Variants in LPAR3 observed in about 807,000 individuals in gnomAD.
LPAR3 encodes lysophosphatidic acid receptor 3.
LPAR3 carries 7 observed loss-of-function variants against 17.8 expected under a neutral mutation model. That is an observed-to-expected ratio of 0.39 (90% confidence interval 0.22 to 0.74). The LOEUF is 0.74. Ranked by LOEUF, LPAR3 falls within the 30% of genes least tolerant of loss-of-function variation. LPAR3 has a pLI of 0.40. For missense variants in LPAR3, 391 were observed against 453.4 expected, an observed-to-expected ratio of 0.86 and a Z score of 1.25; for synonymous variants, 179 against 179.9, an observed-to-expected ratio of 0.99 and a Z score of 0.04.
intron 1 of LPAR3, among the ~76,000 whole-genome samples, chr1:84,888,057 G>C (rs780408673): frequency 6.6e-5 from 10 of 151,656 alleles, no homozygotes; most frequent in Non-Finnish European, 1.2e-4. Context: ...TTTTATGCTG[G>C]AGTGTTTTCA....
chr1:84,878,588 A>G (rs1660299387), intron 1 of LPAR3, among the ~76,000 whole-genome samples: 1 of 152,166 alleles, frequency 6.6e-6, no homozygotes, highest in African/African-American at 2.4e-5. Context: ...AAGAAGAAGA[A>G]AGGCACCATG....
intron 2 of LPAR3, among the ~76,000 whole-genome samples, chr1:84,831,067 A>T (rs561579408): frequency 6.6e-6 from 1 of 152,308 alleles, no homozygotes; most frequent in African/African-American, 2.4e-5. Flanking sequence ...GACTTAGAAC[A>T]ATTTAATTTG....
rs200323920 is a variant in LPAR3, at chr1:84,813,943, C to T, written c.965G>A (p.Arg322His). 14 of 1,614,110 alleles carry T rather than the reference C, an allele frequency of 8.7e-6. No homozygotes were observed. The highest frequency in any genetic ancestry group is 4.5e-5 in the East Asian group (2 of 44,880). Reference sequence around the variant, plus strand: ...CCTGCTGAGGACTGTGGAGGGGATGCGAGAGGGACGCCTCTCTGGGTTCTC... The same window carrying T: ...CCTGCTGAGGACTGTGGAGGGGATGTGAGAGGGACGCCTCTCTGGGTTCTC... ...SQENPERRPS[R>H]IPSTVLSRSD... The change falls in exon 3 of 3, where the codon CGC becomes CAC. Residue 322 changes from arginine (R) to histidine (H), a missense_variant. Arg to His is a conservative substitution (Grantham distance 29). Coordinates refer to ENST00000370611, the MANE Select transcript of LPAR3 (RefSeq NM_012152.3).
At position 84,812,328 on chromosome 1, in the gene LPAR3, C is replaced by A. The variant is rs1212101399; in HGVS notation, c.*1518G>T. The A allele has an allele frequency of 6.6e-6, 1 of 151,994 alleles. No individual in the cohort carries two copies. The highest frequency in any genetic ancestry group is 2.4e-5 in the African/African-American group (1 of 41,378). 9.4% of individuals were successfully genotyped at this position (151,994 alleles called of 1,614,324 possible). On this transcript the variant is annotated 3_prime_UTR_variant, in exon 3 of 3. Coordinates refer to ENST00000370611, the MANE Select transcript of LPAR3 (RefSeq NM_012152.3). ...GTCCTAGACTGGAAAGTCTAGGTGGCCCGTGAATTGATTTCACCTTCGCTG... is the reference window on the plus strand; with the variant it reads ...GTCCTAGACTGGAAAGTCTAGGTGGACCGTGAATTGATTTCACCTTCGCTG...
chr1:84,815,880 A>T (rs1020085508), intron 2 of LPAR3, among the ~76,000 whole-genome samples: 2 of 152,214 alleles, frequency 1.3e-5, no homozygotes, highest in Non-Finnish European at 2.9e-5. Context: ...ATTACGGTTC[A>T]GCAGTGGTTC....
At chr1:84,866,438 G>A (rs564520665) in intron 1 of LPAR3, among the ~76,000 whole-genome samples, 31 of 152,268 alleles carry the variant, frequency 2.0e-4, no homozygotes, top group African/African-American at 7.0e-4. Flanking sequence ...GCCTCATGGT[G>A]GGTAATTATT....
intron 2 of LPAR3, among the ~76,000 whole-genome samples, chr1:84,835,356 G>A (rs1659373551): frequency 6.6e-6 from 1 of 152,174 alleles, no homozygotes; most frequent in Non-Finnish European, 1.5e-5. Context: ...AGCATTTCTG[G>A]TTCATAGAAA....
At chr1:84,862,578 T>G (rs887750122) in intron 2 of LPAR3, among the ~76,000 whole-genome samples, 3 of 152,232 alleles carry the variant, frequency 2.0e-5, no homozygotes, top group African/African-American at 7.2e-5. Flanking sequence ...TGGCACATAT[T>G]AAGCACTATA....
intron 2 of LPAR3, among the ~76,000 whole-genome samples, chr1:84,824,680 C>A (rs980130202): frequency 3.9e-5 from 6 of 152,306 alleles, no homozygotes. Context: ...ACACAGAAAG[C>A]ACTCAGAGAA....
intron 2 of LPAR3, among the ~76,000 whole-genome samples, chr1:84,850,393 C>CAAAAAAAAAAAAA (rs561506398): frequency 2.8e-4 from 11 of 38,632 alleles, no homozygotes; most frequent in African/African-American, 4.5e-4. Context: ...TCTGTCTCTA[C>CAAAAAAAAAAAAA]AAAAAAAAAA....
rs143328121 is a variant in LPAR3 at position 84,815,139 on chromosome 1, C to G, written c.737-968G>C. 6.6e-5 allele frequency among the ~76,000 whole-genome samples: 10 copies of G among 152,218 alleles called. No homozygotes were observed. The East Asian group carries it at 1.5e-3, about 24-fold the overall frequency. On this transcript the variant is annotated intron_variant, in intron 2 of 2. Transcript: ENST00000370611. ...GGCATTATTATTATCCCCAGGAAAC[C>G]GAGGCACAAGAGAAGTTAAGTAACT...
Position 84,813,646 on chromosome 1 carries a change from TGTGC to T in LPAR3, c.*196_*199del. 1.8e-6 allele frequency: 1 copy of T among 555,004 alleles called. No homozygotes were observed. The highest frequency in any genetic ancestry group is 2.4e-5 in the South Asian group (1 of 41,014). 34.4% of individuals were successfully genotyped at this position (555,004 alleles called of 1,614,324 possible). On this transcript the variant is annotated 3_prime_UTR_variant, in exon 3 of 3. Transcript: ENST00000370611. ...GGACCCGCCGAACCTCTCCCGTTTC[TGTGC>T]TTTCTCTAAATGCAGCAGGTCCTCT... is the stretch of plus-strand genomic sequence containing the variant.
chr1:84,849,125 C>A (rs10747314), intron 2 of LPAR3, among the ~76,000 whole-genome samples: 74,905 of 151,794 alleles, frequency 0.49, 18,521 homozygotes, highest in Non-Finnish European at 0.51. Flanking sequence ...GCCTATAATC[C>A]TAGCACTTTG....
intron 1 of LPAR3, among the ~76,000 whole-genome samples, chr1:84,873,395 C>T (rs999915): frequency 0.41 from 62,757 of 151,990 alleles, 13,205 homozygotes; most frequent in South Asian, 0.52. Context: ...TTAAAAATAA[C>T]TTTTAAAGAG....
chr1:84,848,195 G>A (rs1413392150), intron 2 of LPAR3, among the ~76,000 whole-genome samples: 1 of 152,210 alleles, frequency 6.6e-6, no homozygotes, highest in Non-Finnish European at 1.5e-5. Context: ...AGTGGCTGTT[G>A]GAAGGGACAA....
At chr1:84,892,526 C>A (rs1227971725) in intron 1 of LPAR3, among the ~76,000 whole-genome samples, 1 of 152,212 alleles carries the variant, frequency 6.6e-6, no homozygotes, top group Non-Finnish European at 1.5e-5. Context: ...TCTCTAGAAG[C>A]CTGCACATGG....
Position 84,865,778 on chromosome 1 carries a change from C to T in LPAR3, c.343G>A (p.Ala115Thr). 6.2e-7 allele frequency: 1 copy of T among 1,614,178 alleles called. No homozygotes were observed. The highest frequency in any genetic ancestry group is 8.5e-7 in the Non-Finnish European group (1 of 1,180,044). Residue 115 changes from alanine to threonine, a missense_variant, in exon 2 of 3, where the codon GCT (alanine) becomes ACT (threonine). By Grantham distance (58) the Ala-to-Thr change is moderately conservative. Coordinates refer to ENST00000370611, the MANE Select transcript of LPAR3 (RefSeq NM_012152.3). ...RQGLLDSSLT[A>T]SLTNLLVIAV... ...ATAACCAGCAAGTTGGTGAGGGAAG[C>T]AGTCAAGCTACTGTCCAGAAGCCCC...
chr1:84,892,188 G>A (rs780473545), intron 1 of LPAR3, among the ~76,000 whole-genome samples: 2 of 151,508 alleles, frequency 1.3e-5, no homozygotes, highest in Admixed American at 6.6e-5. Context: ...ACTCCAGCCC[G>A]GATGATAGTG....
chr1:84,881,285 G>A (rs113353449), intron 1 of LPAR3, among the ~76,000 whole-genome samples: 6,788 of 152,194 alleles, frequency 0.045, 177 homozygotes, highest in African/African-American at 0.065. Context: ...AGATGCAGGC[G>A]CATCACTTTT....
Sources: allele counts gnomAD v4.1 joint callset (sites outside exome capture counted in the v4.1 genomes callset), GRCh38; gene constraint gnomAD v4.1.1; transcripts MANE v1.5; gene names NCBI Gene and HGNC (gene_info 2026-07-23, HGNC 2026-07-21).